The following VTI1A variants were observed in gnomAD, a reference collection of about 807,000 sequenced individuals.
VTI1A encodes the protein vesicle transport through interaction with t-SNAREs homolog 1A.
Under a neutral mutation model 34.9 loss-of-function variants are expected in VTI1A, and 22 were observed. The observed-to-expected ratio is 0.63, with a 90% CI of 0.45 to 0.90. The LOEUF is 0.90. VTI1A is among the 40% of genes least tolerant of loss of function. The pLI is 0.00. For missense variants in VTI1A, 268 were observed against 275.6 expected (o/e 0.97, Z 0.20); for synonymous variants, 87 against 97.3 (o/e 0.89, Z 0.62).
At chr10:112,595,196 A>G (rs1480013047) in intron 5 of VTI1A, among the ~76,000 whole-genome samples, 1 of 137,786 alleles carries the variant, frequency 7.3e-6, no homozygotes, top group Non-Finnish European at 1.6e-5. Context: ...TAGACCTAAA[A>G]CCATAAAAAC....
the VTI1A span, among the ~76,000 whole-genome samples, chr10:112,833,861 A>G: frequency 9.2e-5 from 14 of 152,134 alleles, no homozygotes; most frequent in Non-Finnish European, 2.1e-4. Flanking sequence ...AGTAACTTCA[A>G]ATTAAGCATT....
chr10:112,539,356 A>G (rs535372549), intron 5 of VTI1A, among the ~76,000 whole-genome samples: 59 of 152,266 alleles, frequency 3.9e-4, no homozygotes, highest in Admixed American at 1.2e-3. Flanking sequence ...GCTGCCCTAT[A>G]TTGGTTGGTT....
intron 5 of VTI1A, among the ~76,000 whole-genome samples, chr10:112,581,676 G>A (rs1276024750): frequency 6.6e-6 from 1 of 152,160 alleles, no homozygotes; most frequent in Non-Finnish European, 1.5e-5. Context: ...TATGTTTATA[G>A]AGATCTATAG....
chr10:112,851,782 C>G, the VTI1A span, among the ~76,000 whole-genome samples: 1 of 152,174 alleles, frequency 6.6e-6, no homozygotes, highest in African/African-American at 2.4e-5. Context: ...ACCTTTCCAG[C>G]TCAGGGAGGG....
At chr10:112,736,110 T>TATATATATATATAC (rs1850451235) in intron 7 of VTI1A, among the ~76,000 whole-genome samples, 1 of 99,774 alleles carries the variant, frequency 1.0e-5, no homozygotes, top group East Asian at 2.6e-4. Context: ...TATGTGTGTG[T>TATATATATATATAC]GTATATATAT....
intron 5 of VTI1A, among the ~76,000 whole-genome samples, chr10:112,565,230 G>A (rs1411574706): frequency 6.6e-6 from 1 of 152,072 alleles, no homozygotes; most frequent in African/African-American, 2.4e-5. Context: ...AAAATTTGTA[G>A]TGTATTTATT....
At chr10:112,454,368 G>A (rs958736272) in intron 1 of VTI1A, among the ~76,000 whole-genome samples, 11 of 152,154 alleles carry the variant, frequency 7.2e-5, no homozygotes, top group African/African-American at 2.7e-4. Flanking sequence ...GCCAAGATGG[G>A]AGGATCACTT....
rs150621096 is a variant in VTI1A at position 112,555,317 on chromosome 10, G to C, written c.427+16987G>C. ...TTCCATATGTCAATATCATGAAGAA[G>C]CCAAATGCTGGTAAAACATAATTTT... On this transcript the variant is annotated intron_variant, in intron 5 of 7. Coordinates refer to ENST00000393077, the MANE Select transcript of VTI1A (RefSeq NM_145206.4). Among the ~76,000 whole-genome samples the C allele has an allele frequency of 1.8e-3, 268 of 152,128 alleles. 1 individual carries two copies. Among genetic ancestry groups the C allele is most frequent in the African/African-American group, 6.4e-3 (264 of 41,516 alleles).
chr10:112,777,803 CA>C (rs1347291775), intron 7 of VTI1A, among the ~76,000 whole-genome samples: 1 of 152,036 alleles, frequency 6.6e-6, no homozygotes, highest in Non-Finnish European at 1.5e-5. Flanking sequence ...GAAGCAAATA[CA>C]AAGTATTGGT....
intron 5 of VTI1A, among the ~76,000 whole-genome samples, chr10:112,588,945 A>G (rs1844268947): frequency 6.7e-6 from 1 of 148,346 alleles, no homozygotes. Context: ...AGAGGTATTT[A>G]TTTCAGTCAA....
intron 3 of VTI1A, among the ~76,000 whole-genome samples, chr10:112,517,498 C>CTCCT (rs992721360): frequency 2.6e-5 from 4 of 152,078 alleles, no homozygotes; most frequent in Non-Finnish European, 5.9e-5. Context: ...TAATTCCCAA[C>CTCCT]TCCTTACCTG....
intron 5 of VTI1A, among the ~76,000 whole-genome samples, chr10:112,651,958 CTGAT>C (rs1847041185): frequency 6.6e-6 from 1 of 152,188 alleles, no homozygotes; most frequent in Non-Finnish European, 1.5e-5. Context: ...GCACAGTCCT[CTGAT>C]TGATCTCTTA....
rs1229141246 is a variant in VTI1A, at chr10:112,618,518, T to TAGAGAGAG, written c.428-49699_428-49698insGAGAGAGA. On this transcript the variant is annotated intron_variant, in intron 5 of 7. Transcript: ENST00000393077. ...ATATATATATATATATATATATATATATATATAGAGAGAGAGAGAGAGAGA... is the reference window on the plus strand; with the variant it reads ...ATATATATATATATATATATATATATAGAGAGAGATATATAGAGAGAGAGAGAGAGAGA... Among the ~76,000 whole-genome samples the TAGAGAGAG allele has an allele frequency of 4.4e-3, 208 of 47,428 alleles. 1 individual carries two copies. The highest frequency in any genetic ancestry group is 0.014 in the Middle Eastern group (1 of 70). 31.1% of individuals were successfully genotyped at this position (47,428 alleles called of 152,430 possible).
intron 3 of VTI1A, among the ~76,000 whole-genome samples, chr10:112,492,541 A>G (rs898828819): frequency 2.0e-5 from 3 of 152,142 alleles, no homozygotes; most frequent in Non-Finnish European, 4.4e-5. Flanking sequence ...TGTAATCCCA[A>G]CTTTGGGAGA....
intron 5 of VTI1A, among the ~76,000 whole-genome samples, chr10:112,615,863 G>A (rs1397000065): frequency 6.6e-6 from 1 of 152,148 alleles, no homozygotes; most frequent in African/African-American, 2.4e-5. Context: ...GAGACAGTGA[G>A]GTGCACAGGG....
chr10:112,565,855 A>C (rs1333771324), intron 5 of VTI1A, among the ~76,000 whole-genome samples: 1 of 152,172 alleles, frequency 6.6e-6, no homozygotes, highest in Non-Finnish European at 1.5e-5. Flanking sequence ...TTTTCAATGT[A>C]ATACTTTCAA....
At chr10:112,492,637 A>T (rs1035893831) in intron 3 of VTI1A, among the ~76,000 whole-genome samples, 2 of 152,082 alleles carry the variant, frequency 1.3e-5, no homozygotes, top group African/African-American at 4.8e-5. Flanking sequence ...AAATACAAAA[A>T]TTAGCTGGGC....
the VTI1A span, among the ~76,000 whole-genome samples, chr10:112,851,243 C>T: frequency 1.3e-5 from 2 of 152,132 alleles, no homozygotes; most frequent in South Asian, 2.1e-4. Context: ...GAGCCTGGGC[C>T]ACATGCATTC....
intron 7 of VTI1A, among the ~76,000 whole-genome samples, chr10:112,684,826 C>T (rs1477127977): frequency 6.6e-6 from 1 of 152,126 alleles, no homozygotes; most frequent in Admixed American, 6.5e-5. Flanking sequence ...AATAACTTTT[C>T]AAGAAAGGTA....
Sources: gnomAD v4.1 joint callset for allele counts (sites outside exome capture counted in the v4.1 genomes callset) on GRCh38, gnomAD v4.1.1 for gene constraint, MANE v1.5 for transcripts, NCBI Gene and HGNC (gene_info 2026-07-23, HGNC 2026-07-21) for gene names.